C12orf42: variants seen among roughly 807,000 people sequenced by gnomAD.
C12orf42 encodes the protein uncharacterized protein C12orf42.
In C12orf42, 25 loss-of-function variants were observed where a neutral mutation model predicts 21.6. The ratio of observed to expected loss-of-function variants is 1.16; its 90% CI spans 0.84 to 1.62. The LOEUF is 1.62. C12orf42 is among the 40% of genes most tolerant of loss of function. The pLI, the probability that C12orf42 is intolerant of heterozygous loss-of-function variation, is 0.00. For synonymous variants in C12orf42, 174 were observed against 175.0 expected (o/e 0.99, Z 0.05); for missense variants, 483 against 459.3 (o/e 1.05, Z -0.47).
chr12:103,435,451 C>A (rs1290363975), intron 2 of C12orf42, among the ~76,000 whole-genome samples: 1 of 152,152 alleles, frequency 6.6e-6, no homozygotes, highest in Non-Finnish European at 1.5e-5. Flanking sequence ...TCAAATTACT[C>A]TGAGCTATGG....
At chr12:103,294,020 G>A (rs2036987331) in intron 4 of C12orf42, among the ~76,000 whole-genome samples, 1 of 152,086 alleles carries the variant, frequency 6.6e-6, no homozygotes, top group Non-Finnish European at 1.5e-5. Context: ...CATAGCAGAT[G>A]TTCAGTAAAT....
At chr12:103,502,602 C>T in the C12orf42 span, among the ~76,000 whole-genome samples, 1 of 152,156 alleles carries the variant, frequency 6.6e-6, no homozygotes, top group Non-Finnish European at 1.5e-5. Flanking sequence ...AAACCAGCTG[C>T]ACATCCTCAG....
chr12:103,338,544 C>T (rs2041915563), intron 4 of C12orf42, among the ~76,000 whole-genome samples: 1 of 152,242 alleles, frequency 6.6e-6, no homozygotes, highest in Non-Finnish European at 1.5e-5. Flanking sequence ...GCAATTCTTG[C>T]AGTGCATTTA....
At chr12:103,083,333 C>T in the C12orf42 span, among the ~76,000 whole-genome samples, 5 of 152,142 alleles carry the variant, frequency 3.3e-5, no homozygotes, top group African/African-American at 1.2e-4. Context: ...CATTGCACTC[C>T]AGCCTGGGCG....
intron 2 of C12orf42, among the ~76,000 whole-genome samples, chr12:103,424,099 T>C (rs1949598791): frequency 1.3e-5 from 2 of 152,252 alleles, no homozygotes; most frequent in Admixed American, 1.3e-4. Flanking sequence ...TAGAAATGCA[T>C]CTACACCAAT....
chr12:103,119,109 G>A, the C12orf42 span, among the ~76,000 whole-genome samples: 1 of 152,302 alleles, frequency 6.6e-6, no homozygotes, highest in Non-Finnish European at 1.5e-5. Flanking sequence ...AGACACTGGA[G>A]GGAGCAGTAT....
chr12:103,528,807 T>C, the C12orf42 span, among the ~76,000 whole-genome samples: 2 of 152,228 alleles, frequency 1.3e-5, no homozygotes, highest in East Asian at 3.8e-4. Context: ...AGACACCAAC[T>C]TTGTGCCAAA....
the C12orf42 span, among the ~76,000 whole-genome samples, chr12:103,218,092 C>G: frequency 6.6e-6 from 1 of 152,006 alleles, no homozygotes; most frequent in African/African-American, 2.4e-5. Flanking sequence ...ACTATCCTGG[C>G]CAACATGGCA....
intron 4 of C12orf42, among the ~76,000 whole-genome samples, chr12:103,335,526 G>T (rs1335671183): frequency 6.6e-6 from 1 of 152,100 alleles, no homozygotes; most frequent in Non-Finnish European, 1.5e-5. Context: ...ATCTATTTTT[G>T]CGTTTTCTGG....
At chr12:103,242,260 G>T (rs939188695) in intron 10 of C12orf42, among the ~76,000 whole-genome samples, 2 of 152,122 alleles carry the variant, frequency 1.3e-5, no homozygotes, top group African/African-American at 4.8e-5. Context: ...ACTGGAAAAG[G>T]TAAGGACACT....
At chr12:103,376,487 C>T (rs943543290) in intron 3 of C12orf42, among the ~76,000 whole-genome samples, 2 of 152,068 alleles carry the variant, frequency 1.3e-5, no homozygotes, top group African/African-American at 4.8e-5. Flanking sequence ...GATAGGTTGA[C>T]AGGTGCAGCA....
intron 3 of C12orf42, among the ~76,000 whole-genome samples, chr12:103,394,653 ACAATTCTAT>A (rs2047363782): frequency 1.3e-5 from 2 of 152,218 alleles, no homozygotes; most frequent in Non-Finnish European, 2.9e-5. Flanking sequence ...TTGTTTCCCA[ACAATTCTAT>A]CAATAAGGGC....
intron 4 of C12orf42, among the ~76,000 whole-genome samples, chr12:103,331,122 T>C (rs1478730811): frequency 6.6e-6 from 1 of 152,216 alleles, no homozygotes; most frequent in Non-Finnish European, 1.5e-5. Context: ...CCTGTCAAAC[T>C]GCATTTAATA....
At chr12:103,069,236 A>G in the C12orf42 span, among the ~76,000 whole-genome samples, 1 of 149,624 alleles carries the variant, frequency 6.7e-6, no homozygotes, top group African/African-American at 2.5e-5. Context: ...GTAGATTCTG[A>G]TTCTCTTTTG....
At chr12:103,512,685 G>A in the C12orf42 span, among the ~76,000 whole-genome samples, 1 of 152,134 alleles carries the variant, frequency 6.6e-6, no homozygotes, top group African/African-American at 2.4e-5. Context: ...TGCTGTTGTG[G>A]TGGTTAGGGG....
At chr12:103,261,546 G>C (rs1373088389) in intron 10 of C12orf42, among the ~76,000 whole-genome samples, 1 of 149,410 alleles carries the variant, frequency 6.7e-6, no homozygotes, top group Non-Finnish European at 1.5e-5. Context: ...CTATTTTTCT[G>C]TTTGTATTTC....
chr12:103,288,308 T>C (rs2136348173), intron 4 of C12orf42, among the ~76,000 whole-genome samples: 1 of 152,272 alleles, frequency 6.6e-6, no homozygotes, highest in Middle Eastern at 3.4e-3. Flanking sequence ...TCTCAGTTGA[T>C]TTTTCATAAC....
At chr12:103,103,841 G>A in the C12orf42 span, among the ~76,000 whole-genome samples, 9 of 146,098 alleles carry the variant, frequency 6.2e-5, no homozygotes, top group Admixed American at 5.6e-4. Context: ...TCGCTCTGTC[G>A]CCTGGCTGGA....
the C12orf42 span, among the ~76,000 whole-genome samples, chr12:103,529,049 C>T: frequency 6.6e-6 from 1 of 151,916 alleles, no homozygotes; most frequent in East Asian, 1.9e-4. Context: ...AGAGTGTGCA[C>T]CAAAGGAAAA....
Sources: allele counts gnomAD v4.1 joint callset (sites outside exome capture counted in the v4.1 genomes callset), GRCh38; gene constraint gnomAD v4.1.1; transcripts MANE v1.5; gene names NCBI Gene and HGNC (gene_info 2026-07-23, HGNC 2026-07-21).